IQSEC2: variants seen among roughly 807,000 people sequenced by gnomAD.
IQSEC2 encodes IQ motif and SEC7 domain-containing protein 2.
A neutral mutation model predicts 74.6 loss-of-function variants in IQSEC2; 6 were observed. The ratio of observed to expected loss-of-function variants is 0.08; its 90% confidence interval spans 0.04 to 0.16. The LOEUF (loss-of-function observed/expected upper bound fraction) is 0.16. Ranked by LOEUF, IQSEC2 falls within the 10% of genes least tolerant of loss-of-function variation. The pLI, the probability that IQSEC2 is intolerant of heterozygous loss-of-function variation, is 1.00. For missense variants in IQSEC2, 734 were observed against 1,306.2 expected, an observed-to-expected ratio of 0.56 and a Z score of 6.75; for synonymous variants, 494 against 544.5, an observed-to-expected ratio of 0.91 and a Z score of 1.29.
At chrX:53,244,537 A>AC (rs2074274363) in intron 8 of IQSEC2, among the ~76,000 whole-genome samples, 1 of 110,433 alleles carries the variant, frequency 9.1e-6, no homozygotes. Context: ...AAAAAAAAAA[A>AC]AAAAAACTCA....
At position 53,251,326 on chromosome X, in the gene IQSEC2, A is replaced by G. The variant is rs1556863636; in HGVS notation, c.1402-152T>C. On this transcript the variant is annotated intron_variant, in intron 4 of 14. Transcript: ENST00000642864. ...CAAGGAGGGTGGATTCCCCTCCCCCAGCCCTGACAGGCTCTCTGTGGTCTG... is the reference window on the plus strand; with the variant it reads ...CAAGGAGGGTGGATTCCCCTCCCCCGGCCCTGACAGGCTCTCTGTGGTCTG... The G allele has an allele frequency of 3.0e-5, 17 of 559,083 alleles. No individual in the cohort carries two copies. The South Asian group carries it at 4.5e-4, about 15-fold the overall frequency. The allele number at this position is 559,083 out of a possible 1,213,427, so 46.1% of individuals were successfully genotyped here.
chrX:53,271,049 A>T (rs2074736938), intron 2 of IQSEC2, among the ~76,000 whole-genome samples: 1 of 111,157 alleles, frequency 9.0e-6, no homozygotes, highest in South Asian at 3.8e-4. Flanking sequence ...TACCAAAAAA[A>T]AAATAAAATA....
chrX:53,236,789 A>C (rs2074138024), intron 12 of IQSEC2, among the ~76,000 whole-genome samples: 1 of 106,790 alleles, frequency 9.4e-6, no homozygotes, highest in Non-Finnish European at 1.9e-5. Flanking sequence ...CCTTCCTTTC[A>C]CCCTTCTGAC....
chrX:53,242,022 C>G, intron 9 of IQSEC2, 113 bp from the exon 10 acceptor site: 10 of 910,166 alleles, frequency 1.1e-5, no homozygotes, highest in Non-Finnish European at 1.6e-5. Flanking sequence ...GTGTGTCACT[C>G]TGACACAAGG....
chrX:53,295,767 C>G (rs2075145992), intron 1 of IQSEC2, among the ~76,000 whole-genome samples: 1 of 110,473 alleles, frequency 9.1e-6, no homozygotes, highest in African/African-American at 3.3e-5. Context: ...AGTTTCTGCC[C>G]TTGCCTCTTG....
At chrX:53,295,533 C>T (rs952660514) in intron 1 of IQSEC2, among the ~76,000 whole-genome samples, 2 of 96,431 alleles carry the variant, frequency 2.1e-5, no homozygotes, top group Non-Finnish European at 4.0e-5. Flanking sequence ...GAACCCAGAA[C>T]GCAGAGCTTG....
chrX:53,279,583 C>A, intron 2 of IQSEC2: 2 of 1,196,581 alleles, frequency 1.7e-6, no homozygotes, highest in East Asian at 5.9e-5. Flanking sequence ...GCCAGCCTGC[C>A]TGAGGGGGTA....
At chrX:53,293,700 GCTGT>G (rs1556873586) in intron 1 of IQSEC2, among the ~76,000 whole-genome samples, 1 of 111,303 alleles carries the variant, frequency 9.0e-6, no homozygotes, top group Non-Finnish European at 1.9e-5. Flanking sequence ...TATTCAGTCT[GCTGT>G]CTACCAGGCC....
intron 5 of IQSEC2, 69 bp downstream of exon 5, chrX:53,250,210 T>C: frequency 9.1e-7 from 1 of 1,096,543 alleles, no homozygotes. Context: ...TGTGGAGTTC[T>C]GTCCCAGGAA....
At chrX:53,304,440 A>T (rs1385854128) in intron 1 of IQSEC2, among the ~76,000 whole-genome samples, 1 of 111,856 alleles carries the variant, frequency 8.9e-6, no homozygotes, top group Non-Finnish European at 1.9e-5. Flanking sequence ...TTTGCTGGTG[A>T]TTATTGTTCC....
rs1470144472 is a variant in IQSEC2, at chrX:53,266,940, T to C, written c.738-10879A>G. On this transcript the variant is annotated intron_variant, in intron 2 of 14. Transcript: ENST00000642864. ...GCTGGTTAAGGCTTTTGCTTCTGCA[T>C]AGAAAATGGCCCTTGTCCTCTCAGT... 2.6e-6 allele frequency: 3 copies of C among 1,140,184 alleles called. No individual in the cohort carries two copies. The Admixed American group carries it at 7.9e-5, about 30-fold the overall frequency. 94.0% of individuals were successfully genotyped at this position (1,140,184 alleles called of 1,213,427 possible).
intron 13 of IQSEC2, 45 bp from the exon 14 acceptor site, chrX:53,235,877 C>G (rs782440035): frequency 5.8e-5 from 66 of 1,129,926 alleles, no homozygotes; most frequent in Admixed American, 7.9e-5. Context: ...AGCAACCCCC[C>G]CCCTACCCTG....
intron 1 of IQSEC2, among the ~76,000 whole-genome samples, chrX:53,305,492 T>C (rs1556876422): frequency 9.0e-6 from 1 of 111,672 alleles, no homozygotes; most frequent in Non-Finnish European, 1.9e-5. Context: ...AGTACAGACA[T>C]GAGCCACCAT....
intron 8 of IQSEC2, among the ~76,000 whole-genome samples, chrX:53,244,972 CAT>C (rs782190422): frequency 9.1e-6 from 1 of 110,426 alleles, no homozygotes; most frequent in Non-Finnish European, 1.9e-5. Context: ...CACACACACA[CAT>C]ATATTGAGAG....
At position 53,320,785 on chromosome X, in the gene IQSEC2, G is replaced by T. The variant is rs1556880210; in HGVS notation, c.339C>A (p.Asp113Glu). ...CGCCTTCCCGGTTCGGGTAGCCCACGTCCCGGGCCGCCTGGTGGAACTGGC... is the reference window on the plus strand; with the variant it reads ...CGCCTTCCCGGTTCGGGTAGCCCACTTCCCGGGCCGCCTGGTGGAACTGGC... ...RESQFHQAAR[D>E]VGYPNREGAY... Residue 113 changes from aspartate to glutamate, a missense_variant, in exon 1 of 15, where the codon GAC becomes GAA. This residue lies in a region of IQSEC2 where 134 missense variants were observed against 214.9 expected (regional missense o/e 0.62). Coordinates refer to ENST00000642864, the MANE Select transcript of IQSEC2 (RefSeq NM_001111125.3). The T allele has an allele frequency of 9.4e-6, 11 of 1,164,234 alleles. No individual in the cohort carries two copies. The East Asian group carries it at 3.3e-4, about 35-fold the overall frequency.
At chrX:53,250,249 G>A in intron 5 of IQSEC2, 30 bp downstream of exon 5, 1 of 1,207,508 alleles carries the variant, frequency 8.3e-7, no homozygotes, top group Non-Finnish European at 1.1e-6. Flanking sequence ...GGTAGGAAGG[G>A]GTAAGCAGGC....
intron 2 of IQSEC2, among the ~76,000 whole-genome samples, chrX:53,280,584 G>C (rs151220037): frequency 0.012 from 1,285 of 110,208 alleles, 25 homozygotes; most frequent in African/African-American, 0.04. Flanking sequence ...CCAGGTAGGA[G>C]TCTTTTGCTT....
chrX:53,321,179 C>A lies in IQSEC2; in HGVS notation c.-56G>T. ...GGAGAGCCCTGTCCCCGCTCTCTCA[C>A]GGCGCCACCCTCCCCCGGGCCCAGC... On this transcript the variant is annotated 5_prime_UTR_variant, in exon 1 of 15. Coordinates refer to ENST00000642864, the MANE Select transcript of IQSEC2 (RefSeq NM_001111125.3). 1.3e-6 allele frequency: 1 copy of A among 767,430 alleles called. No individual in the cohort carries two copies. Among genetic ancestry groups the A allele is most frequent in the Non-Finnish European group, 1.9e-6 (1 of 539,231 alleles). 63.2% of individuals were successfully genotyped at this position (767,430 alleles called of 1,213,427 possible). A position where few individuals can be genotyped will look rare whatever the true frequency, so the allele number is the denominator to read the frequency against.
intron 4 of IQSEC2, among the ~76,000 whole-genome samples, chrX:53,252,379 A>C (rs1365723655): frequency 1.4e-3 from 151 of 109,725 alleles, no homozygotes; most frequent in South Asian, 4.6e-3. Flanking sequence ...TTTATTAAAA[A>C]AAAAAAAAAA....
Sources: allele counts gnomAD v4.1 joint callset (sites outside exome capture counted in the v4.1 genomes callset), GRCh38; gene constraint gnomAD v4.1.1; regional missense constraint gnomAD v4.1.1; transcripts MANE v1.5; gene names NCBI Gene and HGNC (gene_info 2026-07-23, HGNC 2026-07-21).